The following NMNAT3 variants were observed in gnomAD, a reference collection of about 807,000 sequenced individuals.
NMNAT3 encodes the protein nicotinamide/nicotinic acid mononucleotide adenylyltransferase 3.
Under a neutral mutation model 24.8 loss-of-function variants are expected in NMNAT3, and 21 were observed. That is an observed-to-expected ratio of 0.85 (90% CI 0.60 to 1.22). The LOEUF (loss-of-function observed/expected upper bound fraction) is 1.22. Ranked by LOEUF, NMNAT3 falls within the 50% of genes most tolerant of loss-of-function variation. NMNAT3 has a pLI of 0.00. For missense variants in NMNAT3, 387 were observed against 436.6 expected (o/e 0.89, Z 1.01); for synonymous variants, 136 against 155.2 (o/e 0.88, Z 0.92).
chr3:139,627,892 C>T (rs534998382), intron 2 of NMNAT3, 128 bp from the exon 4 acceptor site: 19 of 469,958 alleles, frequency 4.0e-5, no homozygotes, highest in African/African-American at 3.5e-4. Context: ...ATTAAAACAA[C>T]GTTTAAGGAG....
intron 6 of NMNAT3, chr3:139,566,627 C>T (rs1383666403): frequency 4.5e-4 from 68 of 152,206 alleles, no homozygotes; most frequent in African/African-American, 1.5e-3. Flanking sequence ...GGAATCCTTT[C>T]CCCATTGCTT....
chr3:139,615,299 C>A (rs2055431418), intron 3 of NMNAT3, among the ~76,000 whole-genome samples: 1 of 152,132 alleles, frequency 6.6e-6, no homozygotes, highest in Admixed American at 6.5e-5. Context: ...ACTTAGAAAC[C>A]AAAATTAGGA....
rs2054315374 is a variant in NMNAT3 at position 139,593,817 on chromosome 3, T to C, written c.110-10609A>G. Among the ~76,000 whole-genome samples, 7 of 147,492 alleles carry C rather than the reference T, an allele frequency of 4.7e-5. No homozygotes were observed. The South Asian group carries it at 1.6e-3, about 34-fold the overall frequency. On this transcript the variant is annotated intron_variant, in intron 3 of 6. Coordinates refer to ENST00000643695, the MANE Select transcript of NMNAT3 (RefSeq NM_001320510.2). ...TCTGGGACACATTCAAAGCAGTGTG[T>C]AGAGGGAAATTTATAGCACTAAATG... is the stretch of plus-strand genomic sequence containing the variant.
chr3:139,622,367 C>T (rs529036772), intron 3 of NMNAT3, among the ~76,000 whole-genome samples: 3 of 149,540 alleles, frequency 2.0e-5, no homozygotes, highest in East Asian at 2.0e-4. Flanking sequence ...ACCTGATGGA[C>T]GATTGTATAT....
At chr3:139,638,904 T>G (rs1393693650) in intron 1 of NMNAT3, among the ~76,000 whole-genome samples, 2 of 152,192 alleles carry the variant, frequency 1.3e-5, no homozygotes, top group African/African-American at 2.4e-5. Context: ...CCTTGCTACT[T>G]ACCCTCCAAC....
At chr3:139,622,760 AT>A (rs1231218213) in intron 3 of NMNAT3, among the ~76,000 whole-genome samples, 1 of 139,468 alleles carries the variant, frequency 7.2e-6, no homozygotes, top group Non-Finnish European at 1.6e-5. Flanking sequence ...GTGTATATAT[AT>A]CATATATATC....
At chr3:139,598,013 A>G (rs914592497) in intron 3 of NMNAT3, among the ~76,000 whole-genome samples, 4 of 152,232 alleles carry the variant, frequency 2.6e-5, no homozygotes, top group Non-Finnish European at 1.5e-5. Context: ...GCTGACCAAT[A>G]TAATGTCTTA....
At chr3:139,592,183 A>C (rs1477384226) in intron 3 of NMNAT3, among the ~76,000 whole-genome samples, 1 of 152,242 alleles carries the variant, frequency 6.6e-6, no homozygotes, top group Non-Finnish European at 1.5e-5. Context: ...CAGAAGCCTC[A>C]GGAGCCGATG....
intron 3 of NMNAT3, chr3:139,599,168 C>A (rs1225710296): frequency 3.5e-6 from 2 of 573,530 alleles, no homozygotes; most frequent in African/African-American, 3.8e-5. Flanking sequence ...CACTTATCAG[C>A]ATTTTATTAA....
At chr3:139,591,747 C>A (rs1030614506) in intron 3 of NMNAT3, among the ~76,000 whole-genome samples, 80 of 152,238 alleles carry the variant, frequency 5.3e-4, no homozygotes, top group Non-Finnish European at 7.1e-4. Context: ...AACAGACCTG[C>A]AGCTGAGGGT....
rs576847359 is a variant in NMNAT3 at position 139,591,123 on chromosome 3, G to A, written c.110-7915C>T. Among the ~76,000 whole-genome samples the A allele has an allele frequency of 7.9e-5, 12 of 151,262 alleles. No individual in the cohort carries two copies. In the South Asian group the frequency reaches 1.3e-3, roughly 16 times the overall value. ...GCCAGTGTGTGTGCGCACCGTGCGC[G>A]AGCCGAAGCAGGGCGAGGCATTGCC... is the stretch of plus-strand genomic sequence containing the variant. On this transcript the variant is annotated intron_variant, in intron 3 of 6. Coordinates refer to ENST00000643695, the MANE Select transcript of NMNAT3 (RefSeq NM_001320510.2).
Position 139,572,378 on chromosome 3 carries a change from A to T in NMNAT3, c.658+1220T>A, listed in dbSNP as rs138717780. The T allele has an allele frequency of 4.9e-4, 192 of 392,656 alleles. 1 individual carries two copies. In the East Asian group the frequency reaches 6.4e-3, roughly 13 times the overall value. 24.3% of individuals were successfully genotyped at this position (392,656 alleles called of 1,614,324 possible). Reference sequence around the variant, plus strand: ...GAAAGACCAGAGGAATACAATAAACATTATATAAGATGATTATATAGGAGG... The same window carrying T: ...GAAAGACCAGAGGAATACAATAAACTTTATATAAGATGATTATATAGGAGG... On this transcript the variant is annotated intron_variant, in intron 6 of 6. Transcript: ENST00000643695.
At chr3:139,586,229 G>A (rs921019292) in intron 3 of NMNAT3, among the ~76,000 whole-genome samples, 10 of 152,194 alleles carry the variant, frequency 6.6e-5, no homozygotes, top group African/African-American at 2.4e-4. Flanking sequence ...ACTTGAGGGT[G>A]GAGGGTGGAG....
intron 1 of NMNAT3, among the ~76,000 whole-genome samples, chr3:139,657,799 T>C (rs1489543034): frequency 6.7e-6 from 1 of 149,400 alleles, no homozygotes; most frequent in Non-Finnish European, 1.5e-5. Flanking sequence ...TGAGGGTACA[T>C]TGTTGGGGGT....
intron 3 of NMNAT3, among the ~76,000 whole-genome samples, chr3:139,586,974 A>G (rs1290374145): frequency 6.6e-6 from 1 of 152,152 alleles, no homozygotes; most frequent in Non-Finnish European, 1.5e-5. Flanking sequence ...GATAAACCTA[A>G]TTTGTATTGG....
intron 1 of NMNAT3, among the ~76,000 whole-genome samples, chr3:139,670,478 C>T (rs923586938): frequency 6.6e-6 from 1 of 152,230 alleles, no homozygotes; most frequent in Non-Finnish European, 1.5e-5. Flanking sequence ...AATTTCCCTA[C>T]CTTTTGCTAG....
chr3:139,601,720 C>A (rs1483132400), intron 3 of NMNAT3, among the ~76,000 whole-genome samples: 1 of 152,104 alleles, frequency 6.6e-6, no homozygotes, highest in East Asian at 1.9e-4. Flanking sequence ...GGGATAAAGT[C>A]CCAAGGGAGT....
intron 3 of NMNAT3, among the ~76,000 whole-genome samples, chr3:139,595,161 C>T (rs2054389133): frequency 6.6e-6 from 1 of 152,150 alleles, no homozygotes; most frequent in Non-Finnish European, 1.5e-5. Context: ...TTCTTATACA[C>T]CAGCAACAGA....
chr3:139,568,394 G>A (rs1937558669), intron 6 of NMNAT3: 2 of 152,042 alleles, frequency 1.3e-5, no homozygotes, highest in African/African-American at 4.8e-5. Context: ...GCTTTTGAAT[G>A]TGTTTGCTCT....
Sources: gnomAD v4.1 joint callset for allele counts (sites outside exome capture counted in the v4.1 genomes callset) on GRCh38, gnomAD v4.1.1 for gene constraint, MANE v1.5 for transcripts, NCBI Gene and HGNC (gene_info 2026-07-23, HGNC 2026-07-21) for gene names.